Variants in ALDH3B1 observed in about 807,000 individuals in gnomAD.
ALDH3B1 encodes aldehyde dehydrogenase 3 family member B1.
In ALDH3B1, 37 loss-of-function variants were observed where a neutral mutation model predicts 46.2. The ratio of observed to expected loss-of-function variants is 0.80; its 90% CI spans 0.62 to 1.05. The LOEUF is 1.05. ALDH3B1 is among the 50% of genes least tolerant of loss of function. The pLI is 0.00. For synonymous variants in ALDH3B1, 283 were observed against 281.0 expected, an observed-to-expected ratio of 1.01 and a Z score of -0.07; for missense variants, 603 against 665.5, an observed-to-expected ratio of 0.91 and a Z score of 1.03.
chr11:68,021,223 G>T (rs1334288491), intron 6 of ALDH3B1, among the ~76,000 whole-genome samples: 1 of 152,176 alleles, frequency 6.6e-6, no homozygotes, highest in Non-Finnish European at 1.5e-5. Context: ...GAGCCAAGGG[G>T]TTTGGCTCAG....
intron 9 of ALDH3B1, 49 bp from the exon 10 acceptor site, chr11:68,027,700 C>G (rs778923085): frequency 1.2e-5 from 19 of 1,535,636 alleles, no homozygotes; most frequent in Non-Finnish European, 1.7e-5. Context: ...CTGTCTGTGA[C>G]TAGGAGACCC....
At position 68,021,769 on chromosome 11, in the gene ALDH3B1, G is replaced by A. The variant is rs1316890617; in HGVS notation, c.847G>A (p.Gly283Ser). Residue 283 changes from glycine to serine, a missense_variant, in exon 7 of 10, where the codon GGC becomes AGC. Coordinates refer to ENST00000342456, the MANE Select transcript of ALDH3B1 (RefSeq NM_000694.4). ...CGACCCCCAGAGCTCCCCAAACCTGGGCCGCATCATCAACCAGAAACAGTT... is the reference window on the plus strand; with the variant it reads ...CGACCCCCAGAGCTCCCCAAACCTGAGCCGCATCATCAACCAGAAACAGTT... ...GDDPQSSPNL[G>S]RIINQKQFQR... 1 of 1,614,158 alleles carries A rather than the reference G, an allele frequency of 6.2e-7. No homozygotes were observed. The highest frequency in any genetic ancestry group is 8.5e-7 in the Non-Finnish European group (1 of 1,180,016).
At chr11:68,023,868 C>T (rs529936763) in intron 8 of ALDH3B1, among the ~76,000 whole-genome samples, 1 of 151,818 alleles carries the variant, frequency 6.6e-6, no homozygotes, top group Non-Finnish European at 1.5e-5. Context: ...ATAGCAAAAC[C>T]CCGTCTCTAT....
intron 9 of ALDH3B1, 142 bp from the exon 10 acceptor site, chr11:68,027,607 T>C: frequency 1.1e-6 from 1 of 913,882 alleles, no homozygotes; most frequent in Non-Finnish European, 1.6e-6. Flanking sequence ...CCAAGCCCTT[T>C]ACACACAGTG....
intron 9 of ALDH3B1, among the ~76,000 whole-genome samples, chr11:68,027,448 G>A (rs1857654860): frequency 6.6e-6 from 1 of 152,316 alleles, no homozygotes; most frequent in Non-Finnish European, 1.5e-5. Flanking sequence ...CTGAGGCACA[G>A]TCCAAGGTGA....
Position 68,027,975 on chromosome 11 carries a change from C to G in ALDH3B1, c.*36C>G, listed in dbSNP as rs1194028547. 2 of 1,557,380 alleles carry G rather than the reference C, an allele frequency of 1.3e-6. No homozygotes were observed. The highest frequency in any genetic ancestry group is 8.6e-7 in the Non-Finnish European group (1 of 1,159,058). ...AGGCCCAGGCTGTAGACCACCATGA[C>G]AGCTGTCGCCTGCGGCTGGTGGAGA... is the stretch of plus-strand genomic sequence containing the variant. On this transcript the variant is annotated 3_prime_UTR_variant, in exon 10 of 10. Coordinates refer to ENST00000342456, the MANE Select transcript of ALDH3B1 (RefSeq NM_000694.4).
intron 2 of ALDH3B1, chr11:68,018,299 A>T (rs1857396844): frequency 5.3e-6 from 3 of 561,238 alleles, no homozygotes; most frequent in Non-Finnish European, 9.5e-6. Context: ...TCTCACTTTC[A>T]CATGGAACGA....
chr11:68,023,969 A>AT (rs1228767798), intron 8 of ALDH3B1, among the ~76,000 whole-genome samples: 2 of 142,360 alleles, frequency 1.4e-5, no homozygotes, highest in African/African-American at 2.5e-5. Flanking sequence ...CTCCTGACCC[A>AT]TAAAAAAAAA....
intron 2 of ALDH3B1, 129 bp from the exon 3 acceptor site, chr11:68,018,398 G>GT: frequency 1.3e-6 from 1 of 752,100 alleles, no homozygotes; most frequent in South Asian, 1.8e-5. Context: ...TGAACATGGA[G>GT]TGAGTGAGTG....
At chr11:68,026,608 G>A (rs543502007) in intron 9 of ALDH3B1, among the ~76,000 whole-genome samples, 24 of 152,074 alleles carry the variant, frequency 1.6e-4, no homozygotes, top group African/African-American at 5.5e-4. Context: ...CGATGCCACT[G>A]CAGAGTCCTG....
At chr11:68,009,534 C>T (rs1223960362), upstream of ALDH3B1, among the ~76,000 whole-genome samples, 1 of 152,238 alleles carries the variant, frequency 6.6e-6, no homozygotes, top group Non-Finnish European at 1.5e-5. Context: ...TTTTTAAAGG[C>T]TTACAACTTT....
intron 1 of ALDH3B1, among the ~76,000 whole-genome samples, chr11:68,013,751 G>A (rs994079243): frequency 2.0e-5 from 3 of 152,244 alleles, no homozygotes; most frequent in Non-Finnish European, 4.4e-5. Context: ...CCGGAGACAG[G>A]CCTGATGGTG....
intron 2 of ALDH3B1, chr11:68,015,808 G>A (rs1857339632): frequency 1.5e-5 from 6 of 396,302 alleles, no homozygotes; most frequent in Admixed American, 6.1e-5. Context: ...GCTCACACCT[G>A]TAGTCCCAGC....
chr11:68,018,768 C>T lies in ALDH3B1; in HGVS notation c.274-5C>T. The T allele has an allele frequency of 6.4e-7, 1 of 1,552,050 alleles. No homozygotes were observed. The highest frequency in any genetic ancestry group is 1.2e-5 in the South Asian group (1 of 84,094). ...ACTTAATTTCATCCCCGGCTCCCGG[C>T]CCAGGCCACGCAGCTGGACTCCGCC... On this transcript the variant is annotated splice_region_variant and splice_polypyrimidine_tract_variant and intron_variant, in intron 3 of 9. Coordinates refer to ENST00000342456, the MANE Select transcript of ALDH3B1 (RefSeq NM_000694.4).
intron 1 of ALDH3B1, among the ~76,000 whole-genome samples, chr11:68,011,837 C>A (rs1354844175): frequency 6.6e-6 from 1 of 152,206 alleles, no homozygotes; most frequent in African/African-American, 2.4e-5. Flanking sequence ...GTACATCCGT[C>A]CTCCATGGAT....
chr11:68,011,017 C>T (rs1857218182), intron 1 of ALDH3B1, among the ~76,000 whole-genome samples: 1 of 152,212 alleles, frequency 6.6e-6, no homozygotes, highest in South Asian at 2.1e-4. Context: ...GCCCGAGCCA[C>T]CAATGAGGGG....
chr11:68,022,786 G>C, intron 8 of ALDH3B1, 25 bp downstream of exon 8: 2 of 1,612,924 alleles, frequency 1.2e-6, no homozygotes, highest in Non-Finnish European at 1.7e-6. Context: ...GGGCTGGGCA[G>C]GGTCAGGAGC....
At chr11:68,019,946 G>T in intron 6 of ALDH3B1, 150 bp downstream of exon 6, 2 of 842,894 alleles carry the variant, frequency 2.4e-6, no homozygotes, top group Non-Finnish European at 1.8e-6. Flanking sequence ...GGACCCCCAG[G>T]ACCCCTTAGG....
At chr11:68,025,623 C>T (rs762383230) in intron 8 of ALDH3B1, among the ~76,000 whole-genome samples, 7 of 152,164 alleles carry the variant, frequency 4.6e-5, no homozygotes, top group Non-Finnish European at 1.0e-4. Context: ...CCCTCCCAGT[C>T]CCTCCACTCA....
Sources: gnomAD v4.1 joint callset for allele counts (sites outside exome capture counted in the v4.1 genomes callset) on GRCh38, gnomAD v4.1.1 for gene constraint, MANE v1.5 for transcripts, NCBI Gene and HGNC (gene_info 2026-07-23, HGNC 2026-07-21) for gene names.